PTPN1: variants seen among roughly 807,000 people sequenced by gnomAD.
The protein encoded by PTPN1 is tyrosine-protein phosphatase non-receptor type 1.
Under a neutral mutation model 59.9 loss-of-function variants are expected in PTPN1, and 12 were observed. The ratio of observed to expected loss-of-function variants is 0.20; its 90% CI spans 0.13 to 0.32. The LOEUF (loss-of-function observed/expected upper bound fraction) is 0.32, where lower values mean the gene tolerates loss of function less well. Ranked by LOEUF, PTPN1 falls within the 10% of genes least tolerant of loss-of-function variation. The pLI, the probability that PTPN1 is intolerant of heterozygous loss-of-function variation, is 1.00. For missense variants in PTPN1, 356 were observed against 549.2 expected, an observed-to-expected ratio of 0.65 and a Z score of 3.52; for synonymous variants, 178 against 203.6, an observed-to-expected ratio of 0.87 and a Z score of 1.07.
intron 1 of PTPN1, among the ~76,000 whole-genome samples, chr20:50,539,353 C>T (rs1441149711): frequency 6.6e-6 from 1 of 152,104 alleles, no homozygotes; most frequent in African/African-American, 2.4e-5. Flanking sequence ...TCAATTCTTC[C>T]TGAAGCTCTT....
chr20:50,584,428 CT>C lies in PTPN1; in HGVS notation c.*1714del, dbSNP rs1387373731. 6.6e-6 allele frequency: 1 copy of C among 152,632 alleles called. No individual in the cohort carries two copies. The highest frequency in any genetic ancestry group is 1.5e-5 in the Non-Finnish European group (1 of 68,042). 9.5% of individuals were successfully genotyped at this position (152,632 alleles called of 1,614,324 possible). ...TCCTATCCTTGGAGAGCAGCTGGCTCTCCACCTTGTTACACATTATGTTAGA... is the reference window on the plus strand; with the variant it reads ...TCCTATCCTTGGAGAGCAGCTGGCTCCCACCTTGTTACACATTATGTTAGA... On this transcript the variant is annotated 3_prime_UTR_variant, in exon 10 of 10. Coordinates refer to ENST00000371621, the MANE Select transcript of PTPN1 (RefSeq NM_002827.4).
intron 1 of PTPN1, among the ~76,000 whole-genome samples, chr20:50,528,842 C>T (rs2122733724): frequency 6.6e-6 from 1 of 151,844 alleles, no homozygotes; most frequent in Middle Eastern, 3.4e-3. Flanking sequence ...ACCGTGATTG[C>T]TAGGGAGGCT....
At chr20:50,531,566 G>T (rs1448896614) in intron 1 of PTPN1, among the ~76,000 whole-genome samples, 1 of 152,120 alleles carries the variant, frequency 6.6e-6, no homozygotes, top group Non-Finnish European at 1.5e-5. Flanking sequence ...TGGTAGAAAC[G>T]GGGTTTCACC....
rs1400346340 is a variant in PTPN1 at position 50,568,812 on chromosome 20, A to G, written c.354+334A>G. The stretch of plus-strand genomic sequence containing the variant: ...TGTGGAGTTATGGAGACCTGCTTTT[A>G]TCTTGAAAAGCAAGTTCTTAGTGCA... On this transcript the variant is annotated intron_variant, in intron 4 of 9. Coordinates refer to ENST00000371621, the MANE Select transcript of PTPN1 (RefSeq NM_002827.4). This position sits in a 1 kb window ranked among gnomAD's most constrained non-coding sequence, Gnocchi z 5.6. 1.3e-5 allele frequency among the ~76,000 whole-genome samples: 2 copies of G among 152,124 alleles called. No individual in the cohort carries two copies. The highest frequency in any genetic ancestry group is 4.8e-5 in the African/African-American group (2 of 41,418).
chr20:50,535,915 A>G (rs1411904614), intron 1 of PTPN1, among the ~76,000 whole-genome samples: 4 of 152,166 alleles, frequency 2.6e-5, no homozygotes, highest in Admixed American at 2.0e-4. Flanking sequence ...TGAATACTAC[A>G]TTGCCAGTAT....
intron 1 of PTPN1, among the ~76,000 whole-genome samples, chr20:50,518,151 T>TA (rs2082537105): frequency 6.6e-6 from 1 of 152,242 alleles, no homozygotes; most frequent in South Asian, 2.1e-4. Context: ...TGCAGAATCT[T>TA]ACTTAAAAGT....
intron 1 of PTPN1, among the ~76,000 whole-genome samples, chr20:50,560,654 A>G (rs1163438140): frequency 6.6e-6 from 1 of 151,732 alleles, no homozygotes; most frequent in Non-Finnish European, 1.5e-5. Context: ...TACAAAACAT[A>G]AAGTGTTCCA....
chr20:50,528,833 C>G lies in PTPN1; in HGVS notation c.63+18243C>G, dbSNP rs1180554591. The stretch of plus-strand genomic sequence containing the variant: ...GTTTAGAAGGTTCATGAATTGGAAA[C>G]CGTGATTGCTAGGGAGGCTTTGAGT... On this transcript the variant is annotated intron_variant, in intron 1 of 9. Coordinates refer to ENST00000371621, the MANE Select transcript of PTPN1 (RefSeq NM_002827.4). 4.0e-5 allele frequency among the ~76,000 whole-genome samples: 6 copies of G among 151,654 alleles called. No individual in the cohort carries two copies. The East Asian group carries it at 1.2e-3, about 29-fold the overall frequency.
chr20:50,556,151 T>A (rs1214158642), intron 1 of PTPN1, among the ~76,000 whole-genome samples: 2 of 152,092 alleles, frequency 1.3e-5, no homozygotes, highest in African/African-American at 4.8e-5. Flanking sequence ...AGGTTTGTAA[T>A]CTGTCATCAT....
chr20:50,567,017 ACTTGT>A (rs1374463553), intron 3 of PTPN1, among the ~76,000 whole-genome samples: 2 of 152,158 alleles, frequency 1.3e-5, no homozygotes, highest in Non-Finnish European at 1.5e-5. Context: ...GGGAGTGCTG[ACTTGT>A]CTTGTTCAGG....
intron 1 of PTPN1, among the ~76,000 whole-genome samples, chr20:50,532,426 C>A (rs771545984): frequency 6.6e-6 from 1 of 152,144 alleles, no homozygotes; most frequent in Non-Finnish European, 1.5e-5. Flanking sequence ...GGTAATCAAG[C>A]ATGAAAGTAC....
rs991442920 is a variant in PTPN1, at chr20:50,583,075, C to G, written c.*360C>G. 7.9e-5 allele frequency: 24 copies of G among 302,358 alleles called. No homozygotes were observed. Among genetic ancestry groups the G allele is most frequent in the Non-Finnish European group, 1.0e-4 (17 of 162,218 alleles). 18.7% of individuals were successfully genotyped at this position (302,358 alleles called of 1,614,324 possible). ...AGGCGGGCGGCACGCCAACAGCCCCCCCCTTGAATCTGCAGGGAGCAACTC... is the reference window on the plus strand; with the variant it reads ...AGGCGGGCGGCACGCCAACAGCCCCGCCCTTGAATCTGCAGGGAGCAACTC... On this transcript the variant is annotated 3_prime_UTR_variant, in exon 10 of 10. Coordinates refer to ENST00000371621, the MANE Select transcript of PTPN1 (RefSeq NM_002827.4).
chr20:50,526,810 T>C (rs2082577872), intron 1 of PTPN1, among the ~76,000 whole-genome samples: 1 of 152,080 alleles, frequency 6.6e-6, no homozygotes, highest in African/African-American at 2.4e-5. Flanking sequence ...CCACTGTACT[T>C]GTGTCCATCT....
intron 3 of PTPN1, among the ~76,000 whole-genome samples, chr20:50,565,409 G>A (rs949402179): frequency 4.6e-5 from 7 of 152,196 alleles, no homozygotes; most frequent in African/African-American, 1.4e-4. Flanking sequence ...AGTATTTGTC[G>A]TAGAGCACTT....
chr20:50,552,805 A>G (rs1258838995), intron 1 of PTPN1, among the ~76,000 whole-genome samples: 3 of 151,488 alleles, frequency 2.0e-5, no homozygotes, highest in African/African-American at 7.3e-5. Flanking sequence ...CTCCCACCAC[A>G]ATGGCTTTCT....
chr20:50,561,484 G>A (rs1417069831), intron 2 of PTPN1, 31 bp downstream of exon 2: 7 of 1,458,794 alleles, frequency 4.8e-6, no homozygotes, highest in South Asian at 1.2e-5. Flanking sequence ...TACCAGTCTT[G>A]CTCTTCCTTT....
At position 50,585,068 on chromosome 20, in the gene PTPN1, T is replaced by C. The variant is rs901125984; in HGVS notation, c.*2353T>C. On this transcript the variant is annotated 3_prime_UTR_variant, in exon 10 of 10. Coordinates refer to ENST00000371621, the MANE Select transcript of PTPN1 (RefSeq NM_002827.4). ...CTTACCAGTGTTGTTTGAAGAACAG[T>C]GTTTTGAGTTGTAATCTCAAAACCA... is the stretch of plus-strand genomic sequence containing the variant. The C allele has an allele frequency of 2.0e-5, 3 of 152,224 alleles. No individual in the cohort carries two copies. Among genetic ancestry groups the C allele is most frequent in the Non-Finnish European group, 2.9e-5 (2 of 68,038 alleles). 9.4% of individuals were successfully genotyped at this position (152,224 alleles called of 1,614,324 possible). A position where few individuals can be genotyped will look rare whatever the true frequency, so the allele number is the denominator to read the frequency against.
At chr20:50,535,670 T>G (rs1206933548) in intron 1 of PTPN1, among the ~76,000 whole-genome samples, 1 of 152,216 alleles carries the variant, frequency 6.6e-6, no homozygotes, top group Non-Finnish European at 1.5e-5. Flanking sequence ...TTTTTAATGC[T>G]TAGACATTTT....
chr20:50,526,543 C>T (rs2082576311), intron 1 of PTPN1, among the ~76,000 whole-genome samples: 1 of 152,152 alleles, frequency 6.6e-6, no homozygotes, highest in Non-Finnish European at 1.5e-5. Flanking sequence ...AGGGAACTTC[C>T]TGTTCCTCTC....
Sources: allele counts gnomAD v4.1 joint callset (sites outside exome capture counted in the v4.1 genomes callset), GRCh38; gene constraint gnomAD v4.1.1; non-coding constraint Gnocchi (gnomAD v3.1); transcripts MANE v1.5; gene names NCBI Gene and HGNC (gene_info 2026-07-23, HGNC 2026-07-21).